Variants in SLC25A46 observed in about 807,000 individuals in gnomAD.
SLC25A46 encodes solute carrier family 25 member 46, also known as mitochondrial outer membrane protein SLC25A46.
SLC25A46 carries 39 observed loss-of-function variants against 44.6 expected under a neutral mutation model. The ratio of observed to expected loss-of-function variants is 0.87; its 90% CI spans 0.68 to 1.14. The LOEUF (loss-of-function observed/expected upper bound fraction) is 1.14. Among genes scored for constraint, SLC25A46 ranks in the 50% most tolerant of loss-of-function variants. SLC25A46 has a pLI of 0.00. For missense variants in SLC25A46, 547 were observed against 522.7 expected, an observed-to-expected ratio of 1.05 and a Z score of -0.45; for synonymous variants, 202 against 185.8, an observed-to-expected ratio of 1.09 and a Z score of -0.71.
At position 110,739,008 on chromosome 5, in the gene SLC25A46, G is replaced by C; in HGVS notation, c.-112G>C. On this transcript the variant is annotated 5_prime_UTR_variant, in exon 1 of 8. Transcript: ENST00000355943. ...TTTCCAACGTGACTTCCGGTTGTCA[G>C]AATTTACCCCTGACGCGGCGGCGGC... is the stretch of plus-strand genomic sequence containing the variant. The C allele has an allele frequency of 6.8e-7, 1 of 1,476,632 alleles. No homozygotes were observed. Among genetic ancestry groups the C allele is most frequent in the Non-Finnish European group, 8.9e-7 (1 of 1,122,856 alleles). The allele number at this position is 1,476,632 out of a possible 1,614,324, so 91.5% of individuals were successfully genotyped here.
At position 110,739,227 on chromosome 5, in the gene SLC25A46, G is replaced by A; in HGVS notation, c.108G>A (p.Gly36=). Residue 36 remains glycine (G), a synonymous_variant, in exon 1 of 8, where the codon GGG becomes GGA. Coordinates refer to ENST00000355943, the MANE Select transcript of SLC25A46 (RefSeq NM_138773.4). ...TCCCTGCAAGGTCCTTCAGCACCGG[G>A]TCGGACCTGGGCCACTGGGTGACGA... ...GAFPARSFST[G]SDLGHWVTTP... is the part of the protein sequence containing the mutation. 6.3e-7 allele frequency: 1 copy of A among 1,577,036 alleles called. No homozygotes were observed. Among genetic ancestry groups the A allele is most frequent in the Non-Finnish European group, 8.6e-7 (1 of 1,161,928 alleles).
At chr5:110,743,963 T>G (rs1378788836) in intron 3 of SLC25A46, among the ~76,000 whole-genome samples, 176 bp downstream of exon 3, 5 of 152,098 alleles carry the variant, frequency 3.3e-5, no homozygotes, top group Non-Finnish European at 7.4e-5. Flanking sequence ...CTAAATAACT[T>G]TGGTTTATGT....
chr5:110,746,226 C>T, intron 3 of SLC25A46, 43 bp from the exon 4 acceptor site: 1 of 1,414,564 alleles, frequency 7.1e-7, no homozygotes, highest in Non-Finnish European at 9.7e-7. Context: ...TATTTCTTGA[C>T]AAAACATTAA....
At chr5:110,740,409 T>A (rs554528932) in intron 1 of SLC25A46, among the ~76,000 whole-genome samples, 1 of 152,322 alleles carries the variant, frequency 6.6e-6, no homozygotes, top group South Asian at 2.1e-4. Flanking sequence ...CTTACCTAGC[T>A]AATTGTCATA....
At position 110,762,737 on chromosome 5, in the gene SLC25A46, T is replaced by C. The variant is rs1193297182; in HGVS notation, c.*955T>C. On this transcript the variant is annotated 3_prime_UTR_variant, in exon 8 of 8. Transcript: ENST00000355943. ...AAATGAACCTCATTTCCCTTTTATT[T>C]CTGAATGGCTTGTCTGAGAGGAAAC... The C allele has an allele frequency of 6.6e-6, 1 of 151,936 alleles. No homozygotes were observed. Among genetic ancestry groups the C allele is most frequent in the East Asian group, 1.9e-4 (1 of 5,172 alleles). 9.4% of individuals were successfully genotyped at this position (151,936 alleles called of 1,614,324 possible).
chr5:110,747,387 AT>A (rs568487515), intron 4 of SLC25A46, among the ~76,000 whole-genome samples: 235 of 152,320 alleles, frequency 1.5e-3, no homozygotes, highest in Middle Eastern at 3.4e-3. Flanking sequence ...AAATATTTCT[AT>A]AACATACACA....
intron 5 of SLC25A46, chr5:110,754,415 C>T (rs920570162): frequency 7.2e-6 from 1 of 139,582 alleles, no homozygotes; most frequent in Admixed American, 7.3e-5. Flanking sequence ...TTTTTTTTAC[C>T]CTCTATAATC....
At chr5:110,738,463 C>T (rs966073933), upstream of SLC25A46, among the ~76,000 whole-genome samples, 2 of 152,188 alleles carry the variant, frequency 1.3e-5, no homozygotes, top group African/African-American at 2.4e-5. Context: ...TCTTTCACCC[C>T]CGACGTGCAC....
At chr5:110,759,884 A>T (rs1317270647) in intron 7 of SLC25A46, among the ~76,000 whole-genome samples, 1 of 152,076 alleles carries the variant, frequency 6.6e-6, no homozygotes, top group African/African-American at 2.4e-5. Flanking sequence ...TTTAAATATC[A>T]TCTATTTACT....
upstream of SLC25A46, chr5:110,738,876 C>A: frequency 4.3e-6 from 4 of 940,196 alleles, no homozygotes; most frequent in Non-Finnish European, 6.1e-6. Flanking sequence ...TATTCCCTAA[C>A]GACAACAAAC....
chr5:110,759,132 G>A lies in SLC25A46; in HGVS notation c.679-2072G>A, dbSNP rs537785826. Reference sequence around the variant, plus strand: ...AAAACCAAAATGCTCTGTTCTCATAGCACTTATATTCTTATGGGGAAAGTA... The same window carrying A: ...AAAACCAAAATGCTCTGTTCTCATAACACTTATATTCTTATGGGGAAAGTA... On this transcript the variant is annotated intron_variant, in intron 7 of 7. Transcript: ENST00000355943. 2.0e-5 allele frequency among the ~76,000 whole-genome samples: 3 copies of A among 152,194 alleles called. No individual in the cohort carries two copies. The East Asian group carries it at 5.8e-4, about 29-fold the overall frequency.
chr5:110,750,936 T>C (rs901690082), intron 5 of SLC25A46, among the ~76,000 whole-genome samples: 1 of 152,176 alleles, frequency 6.6e-6, no homozygotes, highest in Admixed American at 6.5e-5. Flanking sequence ...AAAATAGGAA[T>C]GGGAAGGCAT....
intron 7 of SLC25A46, among the ~76,000 whole-genome samples, chr5:110,760,337 CAG>C (rs1800217962): frequency 1.3e-5 from 2 of 152,056 alleles, no homozygotes; most frequent in Non-Finnish European, 2.9e-5. Flanking sequence ...GGAATCATTC[CAG>C]TAACTTTTGA....
intron 5 of SLC25A46, among the ~76,000 whole-genome samples, chr5:110,750,573 T>A (rs1423779087): frequency 2.6e-5 from 4 of 152,194 alleles, no homozygotes; most frequent in Admixed American, 2.6e-4. Flanking sequence ...CTGTATACTT[T>A]AAATCATTTC....
rs992816535 is a variant in SLC25A46, at chr5:110,764,840, A to G, written c.*3058A>G. ...AAGCAAATAAGATCTCTTGGTAACA[A>G]TTGACATTGCACTAGAATTTGAATG... On this transcript the variant is annotated 3_prime_UTR_variant, in exon 8 of 8. Coordinates refer to ENST00000355943, the MANE Select transcript of SLC25A46 (RefSeq NM_138773.4). The G allele has an allele frequency of 1.3e-5, 2 of 151,972 alleles. No homozygotes were observed. The highest frequency in any genetic ancestry group is 2.4e-5 in the African/African-American group (1 of 41,434). The allele number at this position is 151,972 out of a possible 1,614,324, so 9.4% of individuals were successfully genotyped here. A position where few individuals can be genotyped will look rare whatever the true frequency, so the allele number is the denominator to read the frequency against.
chr5:110,748,070 G>A (rs1309143539), intron 4 of SLC25A46, 93 bp from the exon 5 acceptor site: 6 of 768,114 alleles, frequency 7.8e-6, no homozygotes, highest in Non-Finnish European at 1.3e-5. Context: ...ATGTTTTATT[G>A]GAAAATGTCT....
chr5:110,743,534 A>G (rs566697221), intron 2 of SLC25A46, among the ~76,000 whole-genome samples, 196 bp from the exon 3 acceptor site: 5 of 152,068 alleles, frequency 3.3e-5, no homozygotes, highest in Admixed American at 2.6e-4. Context: ...CATTCTTTTC[A>G]TATTGAATTT....
chr5:110,738,934 T>G, upstream of SLC25A46: 1 of 1,423,686 alleles, frequency 7.0e-7, no homozygotes, highest in Non-Finnish European at 9.2e-7. Flanking sequence ...CCGTGCCCTT[T>G]AATGGTTGCC....
chr5:110,760,707 G>C (rs900752317), intron 7 of SLC25A46, among the ~76,000 whole-genome samples: 3 of 152,078 alleles, frequency 2.0e-5, no homozygotes, highest in Non-Finnish European at 2.9e-5. Context: ...ACTCCTGAGT[G>C]CCAAGCCTTT....
Sources: gnomAD v4.1 joint callset for allele counts (sites outside exome capture counted in the v4.1 genomes callset) on GRCh38, gnomAD v4.1.1 for gene constraint, MANE v1.5 for transcripts, NCBI Gene and HGNC (gene_info 2026-07-23, HGNC 2026-07-21) for gene names.